CTNND2: variants seen among roughly 807,000 people sequenced by gnomAD.
CTNND2 encodes catenin delta-2.
A neutral mutation model predicts 144.4 loss-of-function variants in CTNND2; 22 were observed. The observed-to-expected ratio is 0.15, with a 90% CI of 0.11 to 0.22. The LOEUF (loss-of-function observed/expected upper bound fraction) is 0.22, where lower values mean the gene tolerates loss of function less well. CTNND2 is among the 10% of genes least tolerant of loss of function. The pLI, the probability that CTNND2 is intolerant of heterozygous loss-of-function variation, is 1.00. For synonymous variants in CTNND2, 751 were observed against 695.6 expected (o/e 1.08, Z -1.25); for missense variants, 1,353 against 1,618.8 (o/e 0.84, Z 2.82).
chr5:11,102,810 A>C (rs1360998185), intron 14 of CTNND2, among the ~76,000 whole-genome samples: 1 of 152,098 alleles, frequency 6.6e-6, no homozygotes, highest in East Asian at 1.9e-4. Flanking sequence ...GAGCATACAT[A>C]ATGGCCCCTG....
intron 3 of CTNND2, among the ~76,000 whole-genome samples, chr5:11,542,990 C>G (rs1418402643): frequency 6.6e-6 from 1 of 152,256 alleles, no homozygotes; most frequent in Non-Finnish European, 1.5e-5. Flanking sequence ...ACTGGATTGT[C>G]TGCCATTGGA....
chr5:11,592,514 C>A (rs1445589756), intron 2 of CTNND2, among the ~76,000 whole-genome samples: 1 of 151,440 alleles, frequency 6.6e-6, no homozygotes, highest in African/African-American at 2.4e-5. Context: ...GAAAGAAGTA[C>A]AATAAAATCA....
At chr5:11,377,782 G>A (rs1324705634) in intron 7 of CTNND2, among the ~76,000 whole-genome samples, 4 of 152,164 alleles carry the variant, frequency 2.6e-5, no homozygotes, top group African/African-American at 4.8e-5. Context: ...CTTGCCATAC[G>A]GGAGTGTTAA....
chr5:11,123,388 T>G (rs1754340217), intron 12 of CTNND2, among the ~76,000 whole-genome samples: 1 of 152,222 alleles, frequency 6.6e-6, no homozygotes, highest in Non-Finnish European at 1.5e-5. Context: ...CCAGGGAATA[T>G]TTTTGGTTGT....
At chr5:11,813,486 C>T (rs1792457500) in intron 1 of CTNND2, among the ~76,000 whole-genome samples, 1 of 152,092 alleles carries the variant, frequency 6.6e-6, no homozygotes, top group South Asian at 2.1e-4. Context: ...TCCCCCAACA[C>T]TTGTTATGGA....
chr5:11,087,715 TTGG>T (rs1365068008), intron 15 of CTNND2, among the ~76,000 whole-genome samples: 1 of 152,104 alleles, frequency 6.6e-6, no homozygotes, highest in Non-Finnish European at 1.5e-5. Flanking sequence ...AGCACAAATT[TTGG>T]TTAAGGCAAT....
intron 3 of CTNND2, among the ~76,000 whole-genome samples, chr5:11,509,520 G>A (rs1488577710): frequency 6.6e-6 from 1 of 152,154 alleles, no homozygotes; most frequent in East Asian, 1.9e-4. Context: ...GGGTTAAAGA[G>A]CGGATCACAT....
rs1561648589 is a variant in CTNND2 at position 11,641,670 on chromosome 5, GTGTGTA to G, written c.175-76620_175-76615del. Among the ~76,000 whole-genome samples the G allele has an allele frequency of 6.8e-5, 8 of 117,484 alleles. 1 individual carries two copies. The highest frequency in any genetic ancestry group is 2.2e-4 in the African/African-American group (6 of 27,174). The allele number at this position is 117,484 out of a possible 152,430, so 77.1% of individuals were successfully genotyped here. A position where few individuals can be genotyped will look rare whatever the true frequency, so the allele number is the denominator to read the frequency against. ...CATATACGTGTGTATATACATATAC[GTGTGTA>G]TATACATATACGTGTGTGTATATAC... On this transcript the variant is annotated intron_variant, in intron 2 of 21. Transcript: ENST00000304623.
chr5:11,199,411 T>C (rs1248497255), intron 11 of CTNND2, 37 bp downstream of exon 11: 1 of 1,564,488 alleles, frequency 6.4e-7, no homozygotes, highest in Non-Finnish European at 8.8e-7. Flanking sequence ...AAAGTTTATC[T>C]TGAGATATAA....
At chr5:11,546,740 T>C (rs1334890782) in intron 3 of CTNND2, among the ~76,000 whole-genome samples, 2 of 152,190 alleles carry the variant, frequency 1.3e-5, no homozygotes, top group Non-Finnish European at 2.9e-5. Context: ...AAGAATTAAA[T>C]GGACATCAAG....
intron 3 of CTNND2, among the ~76,000 whole-genome samples, chr5:11,562,267 G>A (rs1250904595): frequency 6.6e-6 from 1 of 152,072 alleles, no homozygotes; most frequent in Non-Finnish European, 1.5e-5. Flanking sequence ...GAAATTACCA[G>A]ACTTTTAAAA....
intron 1 of CTNND2, among the ~76,000 whole-genome samples, chr5:11,779,294 A>G (rs116316861): frequency 1.9e-3 from 287 of 152,304 alleles, no homozygotes; most frequent in African/African-American, 6.4e-3. Flanking sequence ...TCTCACTCTC[A>G]AGTACTTATC....
intron 10 of CTNND2, among the ~76,000 whole-genome samples, chr5:11,203,131 C>A (rs547716651): frequency 6.6e-6 from 1 of 152,276 alleles, no homozygotes; most frequent in East Asian, 1.9e-4. Context: ...TGCACCCAAT[C>A]CATCTACCAG....
At chr5:11,682,410 C>T (rs1229713537) in intron 2 of CTNND2, among the ~76,000 whole-genome samples, 1 of 152,160 alleles carries the variant, frequency 6.6e-6, no homozygotes, top group African/African-American at 2.4e-5. Flanking sequence ...AGCATTTGCA[C>T]ATTATCACAA....
chr5:11,145,917 C>T (rs943746739), intron 12 of CTNND2, among the ~76,000 whole-genome samples: 2 of 152,202 alleles, frequency 1.3e-5, no homozygotes, highest in African/African-American at 4.8e-5. Flanking sequence ...GCATCATCTT[C>T]CTCCTACAGG....
rs145614638 is a variant in CTNND2 at position 11,617,341 on chromosome 5, C to T, written c.175-52285G>A. Among the ~76,000 whole-genome samples, 680 of 152,288 alleles carry T rather than the reference C, an allele frequency of 4.5e-3. 14 individuals are homozygous for T. The highest frequency in any genetic ancestry group is 0.016 in the African/African-American group (653 of 41,552). On this transcript the variant is annotated intron_variant, in intron 2 of 21. Transcript: ENST00000304623. ...TGGACATTCCTCAGTAGCTGGATCT[C>T]TGATACCCCATTTCATTCTCACCTC...
Position 11,030,765 on chromosome 5 carries a change from T to C in CTNND2, c.2789-7786A>G, listed in dbSNP as rs562796241. ...CAGCTATGGTTTCTGTTTTTTTTTTTTTTTTTTTTTAGTTTGTTTGTTGTT... is the reference window on the plus strand; with the variant it reads ...CAGCTATGGTTTCTGTTTTTTTTTTCTTTTTTTTTTAGTTTGTTTGTTGTT... On this transcript the variant is annotated intron_variant, in intron 16 of 21. Coordinates refer to ENST00000304623, the MANE Select transcript of CTNND2 (RefSeq NM_001332.4). Among the ~76,000 whole-genome samples, 151 of 151,034 alleles carry C rather than the reference T, an allele frequency of 1.0e-3. 1 individual carries two copies. The highest frequency in any genetic ancestry group is 3.7e-3 in the African/African-American group (151 of 41,356).
intron 1 of CTNND2, among the ~76,000 whole-genome samples, chr5:11,733,922 T>C (rs189869833): frequency 1.3e-5 from 2 of 152,288 alleles, no homozygotes; most frequent in Admixed American, 1.3e-4. Flanking sequence ...GCTGAAATAT[T>C]AATACCCAAG....
intron 1 of CTNND2, among the ~76,000 whole-genome samples, chr5:11,864,764 T>C (rs1463228233): frequency 6.6e-6 from 1 of 152,104 alleles, no homozygotes; most frequent in Non-Finnish European, 1.5e-5. Flanking sequence ...ATGTGCAAAA[T>C]GCCTCCCGTC....
Sources: gnomAD v4.1 joint callset for allele counts (sites outside exome capture counted in the v4.1 genomes callset) on GRCh38, gnomAD v4.1.1 for gene constraint, MANE v1.5 for transcripts, NCBI Gene and HGNC (gene_info 2026-07-23, HGNC 2026-07-21) for gene names.